CENPT: variants seen among roughly 807,000 people sequenced by gnomAD.
The protein encoded by CENPT is centromere protein T, also known as interphase centromere complex protein 22.
A neutral mutation model predicts 59.7 loss-of-function variants in CENPT; 42 were observed. The ratio of observed to expected loss-of-function variants is 0.70; its 90% CI spans 0.55 to 0.91. CENPT has a LOEUF of 0.91. Among genes scored for constraint, CENPT ranks in the 40% least tolerant of loss-of-function variants. CENPT has a pLI of 0.00. For synonymous variants in CENPT, 295 were observed against 289.6 expected, an observed-to-expected ratio of 1.02 and a Z score of -0.19; for missense variants, 716 against 713.4, an observed-to-expected ratio of 1.00 and a Z score of -0.04.
At chr16:67,839,419 G>A (rs1328945811) in intron 1 of CENPT, among the ~76,000 whole-genome samples, 1 of 151,644 alleles carries the variant, frequency 6.6e-6, no homozygotes, top group African/African-American at 2.4e-5. Context: ...AATTAGCTGG[G>A]TGTGGTCGTG....
intron 1 of CENPT, among the ~76,000 whole-genome samples, chr16:67,837,316 G>A (rs931372892): frequency 1.3e-5 from 2 of 152,014 alleles, no homozygotes; most frequent in South Asian, 2.1e-4. Flanking sequence ...TGGGATTACC[G>A]GAGTGAGTCA....
At position 67,843,625 on chromosome 16, in the gene CENPT, CT is replaced by C. The variant is rs2057779802; in HGVS notation, c.-492+3775del. 1.8e-5 allele frequency: 17 copies of C among 968,926 alleles called. No individual in the cohort carries two copies. The South Asian group carries it at 3.0e-4, about 17-fold the overall frequency. The allele number at this position is 968,926 out of a possible 1,614,324, so 60.0% of individuals were successfully genotyped here. ...TACTGAGGCTTAAGGCAGCTGGACT[CT>C]CTTGCTGGTGACCTGGCATCCTCAA... On this transcript the variant is annotated intron_variant, in intron 1 of 15. Transcript: ENST00000562787. The surrounding 1 kb of genome is among the most constrained non-coding windows in gnomAD (Gnocchi z 5.7).
intron 1 of CENPT, among the ~76,000 whole-genome samples, chr16:67,839,252 G>T (rs2057748640): frequency 6.6e-6 from 1 of 151,986 alleles, no homozygotes; most frequent in Non-Finnish European, 1.5e-5. Flanking sequence ...CGGGTATGGT[G>T]GTGGGCACCT....
At position 67,833,867 on chromosome 16, in the gene CENPT, GC is replaced by G; in HGVS notation, c.-9del. On this transcript the variant is annotated 5_prime_UTR_variant, in exon 4 of 16. Transcript: ENST00000562787. ...AGGGTTGTGGTCAGCCATCGTCTCGGCCCCGGGCCCTCCTAACCGCCCAGCC... is the reference window on the plus strand; with the variant it reads ...AGGGTTGTGGTCAGCCATCGTCTCGGCCCGGGCCCTCCTAACCGCCCAGCC... 1.3e-6 allele frequency: 2 copies of G among 1,501,464 alleles called. No homozygotes were observed. The highest frequency in any genetic ancestry group is 1.8e-6 in the Non-Finnish European group (2 of 1,128,636). The allele number at this position is 1,501,464 out of a possible 1,614,324, so 93.0% of individuals were successfully genotyped here.
At chr16:67,831,466 A>G (rs1344429813) in intron 9 of CENPT, 108 bp from the exon 10 acceptor site, 4 of 1,569,908 alleles carry the variant, frequency 2.5e-6, no homozygotes, top group Admixed American at 1.8e-5. Context: ...AGATGCTGTG[A>G]GGCTAAAACT....
intron 1 of CENPT, among the ~76,000 whole-genome samples, 182 bp from the exon 2 acceptor site, chr16:67,835,840 T>A (rs2057732008): frequency 6.6e-6 from 1 of 151,884 alleles, no homozygotes; most frequent in South Asian, 2.1e-4. Flanking sequence ...TTTTTTTTTG[T>A]TTTTGTTTTT....
rs189405021 is a variant in CENPT, at chr16:67,838,957, G to T, written c.-491-3299C>A. Among the ~76,000 whole-genome samples, 554 of 150,974 alleles carry T rather than the reference G, an allele frequency of 3.7e-3. 6 individuals carry two copies. The highest frequency in any genetic ancestry group is 0.012 in the African/African-American group (510 of 41,124). ...CAAAAAAAAAAAAAAAAAAATTTAA[G>T]CATGTAATATTGGCCGGGTGCAGTG... is the stretch of plus-strand genomic sequence containing the variant. On this transcript the variant is annotated intron_variant, in intron 1 of 15. Transcript: ENST00000562787.
Position 67,833,928 on chromosome 16 carries a change from AT to A in CENPT, c.-70del. On this transcript the variant is annotated 5_prime_UTR_variant, in exon 4 of 16. Coordinates refer to ENST00000562787, the MANE Select transcript of CENPT (RefSeq NM_025082.4). ...CTCCGCCTTCCCGCCGCCACAGTTAATGTAACTCTCGCGATGCTCCCGCACA... is the reference window on the plus strand; with the variant it reads ...CTCCGCCTTCCCGCCGCCACAGTTAAGTAACTCTCGCGATGCTCCCGCACA... The A allele has an allele frequency of 9.6e-7, 1 of 1,044,676 alleles. No individual in the cohort carries two copies. Among genetic ancestry groups the A allele is most frequent in the Non-Finnish European group, 1.3e-6 (1 of 757,226 alleles). The allele number at this position is 1,044,676 out of a possible 1,614,324, so 64.7% of individuals were successfully genotyped here.
chr16:67,832,253 C>T lies in CENPT; in HGVS notation c.264G>A (p.Thr88=), dbSNP rs189805146. The change falls in exon 6 of 16, where the codon ACG becomes ACA. Residue 88 remains threonine (T), a synonymous_variant. Coordinates refer to ENST00000562787, the MANE Select transcript of CENPT (RefSeq NM_025082.4). ...CAGTTAGTAGGATGTTCTTCAGCAG[C>T]GTCCGAGGTGTCTGTTCCTCCAAGT... The part of the protein sequence containing the change: ...SGHLEEQTPR[T]LLKNILLTAP... 155 of 1,614,184 alleles carry T rather than the reference C, an allele frequency of 9.6e-5. 1 individual carries two copies. The Admixed American group carries it at 2.1e-3, about 22-fold the overall frequency.
Position 67,828,459 on chromosome 16 carries a change from C to T in CENPT, c.1562+15G>A, listed in dbSNP as rs1400245005. 6.2e-7 allele frequency: 1 copy of T among 1,614,234 alleles called. No homozygotes were observed. The highest frequency in any genetic ancestry group is 8.5e-7 in the Non-Finnish European group (1 of 1,180,034). On this transcript the variant is annotated intron_variant, in intron 15 of 15. Transcript: ENST00000562787. ...ACTCCCCCAGCCAGCACCCCCACACCTTCCGCCTTCTCACCGCCGCATCAG... is the reference window on the plus strand; with the variant it reads ...ACTCCCCCAGCCAGCACCCCCACACTTTCCGCCTTCTCACCGCCGCATCAG...
chr16:67,830,825 C>A, intron 10 of CENPT: 1 of 528,494 alleles, frequency 1.9e-6, no homozygotes, highest in Non-Finnish European at 3.4e-6. Context: ...ACTTAAAATA[C>A]CTCTTCGCTG....
At chr16:67,839,746 C>T (rs2057751023) in intron 1 of CENPT, among the ~76,000 whole-genome samples, 1 of 151,584 alleles carries the variant, frequency 6.6e-6, no homozygotes, top group Non-Finnish European at 1.5e-5. Flanking sequence ...TGGTGCCTGG[C>T]GCCTGTAATC....
At position 67,830,383 on chromosome 16, in the gene CENPT, C is replaced by T. The variant is rs1261270967; in HGVS notation, c.862+7G>A. ...TTGGCTCCAGGCCACCAGTGCCACA[C>T]ACTCACTATTCTTCTGCAGCCCAGG... On this transcript the variant is annotated splice_region_variant and intron_variant, in intron 11 of 15. Transcript: ENST00000562787. 12 of 1,599,246 alleles carry T rather than the reference C, an allele frequency of 7.5e-6. No homozygotes were observed. Among genetic ancestry groups the T allele is most frequent in the East Asian group, 2.2e-5 (1 of 44,716 alleles).
intron 11 of CENPT, 90 bp downstream of exon 11, chr16:67,830,300 G>A: frequency 6.7e-7 from 1 of 1,485,686 alleles, no homozygotes; most frequent in Non-Finnish European, 9.1e-7. Context: ...GTGCTCTAGG[G>A]GCACAGAGGG....
intron 1 of CENPT, among the ~76,000 whole-genome samples, chr16:67,840,330 G>GA (rs1301918778): frequency 4.0e-5 from 6 of 151,606 alleles, no homozygotes; most frequent in South Asian, 2.1e-4. Flanking sequence ...AATAAAAAAA[G>GA]AAAAAAAAGA....
chr16:67,844,063 C>T (rs1598151584), intron 1 of CENPT: 1 of 167,196 alleles, frequency 6.0e-6, no homozygotes, highest in African/African-American at 2.4e-5. Context: ...GGAGATCCAG[C>T]TTGCCAGGGA....
At chr16:67,829,120 G>C in intron 13 of CENPT, 1 of 517,708 alleles carries the variant, frequency 1.9e-6, no homozygotes, top group Non-Finnish European at 3.4e-6. Context: ...CCAGGCCTTA[G>C]AATGGATAGT....
Position 67,842,551 on chromosome 16 carries a change from A to G in CENPT, c.-492+4850T>C. On this transcript the variant is annotated intron_variant, in intron 1 of 15. Transcript: ENST00000562787. This position sits in a 1 kb window ranked among gnomAD's most constrained non-coding sequence, Gnocchi z 4.9. ...TGGGCCGGGCCGGGCCGCGCGGCGC[A>G]GCCATGCCTGGCTTTACGTGCTGCG... is the stretch of plus-strand genomic sequence containing the variant. 6.6e-7 allele frequency: 1 copy of G among 1,514,538 alleles called. No individual in the cohort carries two copies. The highest frequency in any genetic ancestry group is 8.9e-7 in the Non-Finnish European group (1 of 1,126,580). The allele number at this position is 1,514,538 out of a possible 1,614,324, so 93.8% of individuals were successfully genotyped here. A position where few individuals can be genotyped will look rare whatever the true frequency, so the allele number is the denominator to read the frequency against.
intron 1 of CENPT, among the ~76,000 whole-genome samples, chr16:67,840,917 T>C (rs1598148872): frequency 1.3e-5 from 2 of 150,888 alleles, no homozygotes; most frequent in South Asian, 4.2e-4. Flanking sequence ...CCTAGCACTT[T>C]GGGAGGCCGA....
Sources: gnomAD v4.1 joint callset for allele counts (sites outside exome capture counted in the v4.1 genomes callset) on GRCh38, gnomAD v4.1.1 for gene constraint, Gnocchi (gnomAD v3.1) non-coding constraint, MANE v1.5 for transcripts, NCBI Gene and HGNC (gene_info 2026-07-23, HGNC 2026-07-21) for gene names.